ZBTB38: variants seen among roughly 807,000 people sequenced by gnomAD.
ZBTB38 encodes zinc finger and BTB domain-containing protein 38.
A neutral mutation model predicts 76.8 loss-of-function variants in ZBTB38; 20 were observed. The observed-to-expected ratio is 0.26, with a 90% CI of 0.18 to 0.38. The LOEUF (loss-of-function observed/expected upper bound fraction) is 0.38, where lower values mean the gene tolerates loss of function less well. Ranked by LOEUF, ZBTB38 falls within the 10% of genes least tolerant of loss-of-function variation. ZBTB38 has a pLI of 1.00. For synonymous variants in ZBTB38, 504 were observed against 544.2 expected, an observed-to-expected ratio of 0.93 and a Z score of 1.03; for missense variants, 1,082 against 1,482.3, an observed-to-expected ratio of 0.73 and a Z score of 4.43.
rs1365438981 is a variant in ZBTB38 at position 141,449,398 on chromosome 3, C to G, written c.*3422C>G. On this transcript the variant is annotated 3_prime_UTR_variant, in exon 6 of 6. Coordinates refer to ENST00000321464, the MANE Select transcript of ZBTB38 (RefSeq NM_001376113.1). ...CTATAAAATCAGTAAAATTTGTGCA[C>G]TTTTTTAAGGATATGGAGTAAAATT... 1 of 152,084 alleles carries G rather than the reference C, an allele frequency of 6.6e-6. No homozygotes were observed. Among genetic ancestry groups the G allele is most frequent in the Non-Finnish European group, 1.5e-5 (1 of 68,014 alleles). The allele number at this position is 152,084 out of a possible 1,614,324, so 9.4% of individuals were successfully genotyped here. A position where few individuals can be genotyped will look rare whatever the true frequency, so the allele number is the denominator to read the frequency against.
chr3:141,325,711 T>C (rs1009847885), intron 1 of ZBTB38, among the ~76,000 whole-genome samples: 3 of 152,218 alleles, frequency 2.0e-5, no homozygotes, highest in African/African-American at 7.2e-5. Flanking sequence ...TTTGGTGAGT[T>C]GAAGTGTTTG....
At chr3:141,329,823 T>C (rs1005504231) in intron 1 of ZBTB38, among the ~76,000 whole-genome samples, 2 of 152,048 alleles carry the variant, frequency 1.3e-5, no homozygotes, top group African/African-American at 4.8e-5. Context: ...GAAAACTCGT[T>C]GGAATAGAAA....
At chr3:141,397,491 T>C (rs1950607462) in intron 4 of ZBTB38, among the ~76,000 whole-genome samples, 1 of 152,218 alleles carries the variant, frequency 6.6e-6, no homozygotes, top group Non-Finnish European at 1.5e-5. Flanking sequence ...AGCTTTTCCT[T>C]ACAACTTGGC....
intron 5 of ZBTB38, among the ~76,000 whole-genome samples, chr3:141,427,250 A>G (rs1314093016): frequency 3.9e-5 from 6 of 152,214 alleles, no homozygotes; most frequent in African/African-American, 4.8e-5. Flanking sequence ...CAGCCCTCAT[A>G]TAATTTTTAC....
chr3:141,332,379 A>G (rs1942881251), intron 1 of ZBTB38, among the ~76,000 whole-genome samples: 1 of 151,988 alleles, frequency 6.6e-6, no homozygotes. Context: ...ATGTAAACCT[A>G]TTGAAATTCT....
In ZBTB38 at chr3:141,444,869, C is replaced by T; in HGVS notation, c.2481C>T (p.Thr827=). 2 of 1,614,128 alleles carry T rather than the reference C, an allele frequency of 1.2e-6. No individual in the cohort carries two copies. The highest frequency in any genetic ancestry group is 1.7e-6 in the Non-Finnish European group (2 of 1,180,020). The change falls in exon 6 of 6, where the codon ACC becomes ACT. Residue 827 remains threonine, a synonymous_variant. Transcript: ENST00000321464. This position sits in a 1 kb window ranked among gnomAD's most constrained non-coding sequence, Gnocchi z 5.1. ...TTGCAAAACCTGCTCTGCCGGGAAC[C>T]TCCACAAATAGTAATGTTGCACCCC... The part of the protein sequence containing the change: ...TYIAKPALPG[T]STNSNVAPLC...
At chr3:141,441,994 T>C (rs2080365400) in intron 5 of ZBTB38, among the ~76,000 whole-genome samples, 1 of 151,976 alleles carries the variant, frequency 6.6e-6, no homozygotes, top group Non-Finnish European at 1.5e-5. Flanking sequence ...GCAGGAAGCT[T>C]CTGGCAGGAC....
At chr3:141,347,584 A>T (rs111997282) in intron 1 of ZBTB38, among the ~76,000 whole-genome samples, 122 of 152,330 alleles carry the variant, frequency 8.0e-4, no homozygotes, top group Non-Finnish European at 1.5e-3. Flanking sequence ...CACTTTTGCA[A>T]ACAGATTTCT....
intron 2 of ZBTB38, among the ~76,000 whole-genome samples, chr3:141,371,270 C>T (rs1221980931): frequency 6.6e-6 from 1 of 151,850 alleles, no homozygotes; most frequent in Non-Finnish European, 1.5e-5. Context: ...CCAGGATGGT[C>T]TCCATCTCTT....
intron 5 of ZBTB38, among the ~76,000 whole-genome samples, chr3:141,438,016 A>G (rs1228667702): frequency 5.6e-5 from 8 of 142,546 alleles, no homozygotes; most frequent in East Asian, 2.1e-4. Context: ...GGTTCAAGCA[A>G]TTCTTCTGCC....
rs1441529965 is a variant in ZBTB38 at position 141,442,497 on chromosome 3, A to G, written c.109A>G (p.Ile37Val). 6.2e-7 allele frequency: 1 copy of G among 1,614,244 alleles called. No individual in the cohort carries two copies. Among genetic ancestry groups the G allele is most frequent in the South Asian group, 1.1e-5 (1 of 91,084 alleles). Reference sequence around the variant, plus strand: ...TCGGGGCATTTTATGCGATGTCACTATCATTGTGGAAGATACCAAATTTAA... The same window carrying G: ...TCGGGGCATTTTATGCGATGTCACTGTCATTGTGGAAGATACCAAATTTAA... ...RIRGILCDVT[I>V]IVEDTKFKAH... is the part of the protein sequence containing the mutation. The change falls in exon 6 of 6, where the codon ATC becomes GTC. Residue 37 changes from isoleucine to valine, a missense_variant. This residue lies in a region of ZBTB38 where 68 missense variants were observed against 153.0 expected (regional missense o/e 0.44). Transcript: ENST00000321464. This position sits in a 1 kb window ranked among gnomAD's most constrained non-coding sequence, Gnocchi z 6.4.
intron 5 of ZBTB38, among the ~76,000 whole-genome samples, chr3:141,408,110 A>G (rs1405346390): frequency 6.6e-6 from 1 of 152,254 alleles, no homozygotes; most frequent in Non-Finnish European, 1.5e-5. Flanking sequence ...TCATGCCATT[A>G]AAGTATTCTA....
intron 1 of ZBTB38, among the ~76,000 whole-genome samples, chr3:141,329,506 T>C (rs1346490603): frequency 6.6e-6 from 1 of 152,232 alleles, no homozygotes; most frequent in Non-Finnish European, 1.5e-5. Context: ...GTATTATACA[T>C]GCTACTTGTT....
intron 2 of ZBTB38, among the ~76,000 whole-genome samples, chr3:141,378,291 A>G (rs1456049713): frequency 1.3e-5 from 2 of 152,114 alleles, no homozygotes; most frequent in Non-Finnish European, 2.9e-5. Context: ...ACTATTCTCT[A>G]TTCTGATGGT....
chr3:141,426,208 G>A (rs1375130857), intron 5 of ZBTB38: 1 of 1,288,948 alleles, frequency 7.8e-7, no homozygotes, highest in Non-Finnish European at 1.0e-6. Flanking sequence ...CACAGGCCAG[G>A]TCGTGCGGAC....
intron 2 of ZBTB38, among the ~76,000 whole-genome samples, chr3:141,372,342 A>G (rs1228087712): frequency 2.0e-5 from 3 of 152,256 alleles, no homozygotes; most frequent in South Asian, 4.1e-4. Context: ...GGCTAGTGGT[A>G]TAAGCTAATG....
intron 1 of ZBTB38, among the ~76,000 whole-genome samples, chr3:141,357,127 G>A (rs1456720468): frequency 1.3e-5 from 2 of 152,104 alleles, no homozygotes; most frequent in Non-Finnish European, 2.9e-5. Context: ...TTGCCAATGC[G>A]ACAGGCAAAT....
chr3:141,362,090 G>A (rs1328032737), intron 1 of ZBTB38, among the ~76,000 whole-genome samples: 1 of 152,146 alleles, frequency 6.6e-6, no homozygotes, highest in Non-Finnish European at 1.5e-5. Context: ...ACTAAATAAT[G>A]AGTCCTGACC....
intron 1 of ZBTB38, among the ~76,000 whole-genome samples, chr3:141,328,444 C>T (rs946152262): frequency 6.6e-6 from 1 of 152,172 alleles, no homozygotes; most frequent in African/African-American, 2.4e-5. Context: ...AATGATGTCA[C>T]CACCCCCTCA....
Sources: allele counts gnomAD v4.1 joint callset (sites outside exome capture counted in the v4.1 genomes callset), GRCh38; gene constraint gnomAD v4.1.1; regional missense constraint gnomAD v4.1.1; non-coding constraint Gnocchi (gnomAD v3.1); transcripts MANE v1.5; gene names NCBI Gene and HGNC (gene_info 2026-07-23, HGNC 2026-07-21).